The following EPC2 variants were observed in gnomAD, a reference collection of about 807,000 sequenced individuals.
EPC2 encodes enhancer of polycomb 2.
EPC2 carries 14 observed loss-of-function variants against 92.1 expected under a neutral mutation model. That is an observed-to-expected ratio of 0.15 (90% CI 0.10 to 0.24). The LOEUF (loss-of-function observed/expected upper bound fraction) is 0.24. Ranked by LOEUF, EPC2 falls within the 10% of genes least tolerant of loss-of-function variation. The pLI is 1.00. For synonymous variants in EPC2, 340 were observed against 334.7 expected (o/e 1.02, Z -0.17); for missense variants, 755 against 971.5 (o/e 0.78, Z 2.96).
rs1011711453 is a variant in EPC2, at chr2:148,657,611, T to G, written c.153+12441T>G. On this transcript the variant is annotated intron_variant, in intron 1 of 13. Coordinates refer to ENST00000258484, the MANE Select transcript of EPC2 (RefSeq NM_015630.4). ...TGAAAACCAGCAGTTTGAGAGGTAGTATTGTAGTTCTTATCTTGGCCACAC... is the reference window on the plus strand; with the variant it reads ...TGAAAACCAGCAGTTTGAGAGGTAGGATTGTAGTTCTTATCTTGGCCACAC... Among the ~76,000 whole-genome samples the G allele has an allele frequency of 2.9e-4, 44 of 152,112 alleles. 1 individual carries two copies. The highest frequency in any genetic ancestry group is 1.1e-3 in the Admixed American group (16 of 15,228).
At position 148,699,619 on chromosome 2, in the gene EPC2, A is replaced by G. The variant is rs192680184; in HGVS notation, c.313+9246A>G. Reference sequence around the variant, plus strand: ...TTGAATAATGTTTTATTATATGGCTATATCACAGTTTATCCATTCACCTAT... The same window carrying G: ...TTGAATAATGTTTTATTATATGGCTGTATCACAGTTTATCCATTCACCTAT... On this transcript the variant is annotated intron_variant, in intron 2 of 13. Transcript: ENST00000258484. 4.2e-3 allele frequency among the ~76,000 whole-genome samples: 634 copies of G among 152,270 alleles called. 3 individuals carry two copies. The highest frequency in any genetic ancestry group is 0.015 in the African/African-American group (613 of 41,546).
chr2:148,662,383 C>G lies in EPC2; in HGVS notation c.153+17213C>G, dbSNP rs556949296. On this transcript the variant is annotated intron_variant, in intron 1 of 13. Coordinates refer to ENST00000258484, the MANE Select transcript of EPC2 (RefSeq NM_015630.4). ...ACATGGAGATGTATGTTTATTGCGGCACTTTTCACAATAGCAAAGACTTGG... is the reference window on the plus strand; with the variant it reads ...ACATGGAGATGTATGTTTATTGCGGGACTTTTCACAATAGCAAAGACTTGG... Among the ~76,000 whole-genome samples the G allele has an allele frequency of 7.8e-4, 119 of 152,286 alleles. 1 individual carries two copies. The highest frequency in any genetic ancestry group is 1.3e-3 in the Non-Finnish European group (91 of 68,036).
At chr2:148,778,706 A>C (rs1434632439) in intron 10 of EPC2, among the ~76,000 whole-genome samples, 1 of 152,196 alleles carries the variant, frequency 6.6e-6, no homozygotes, top group Non-Finnish European at 1.5e-5. Flanking sequence ...GTCATTGATT[A>C]CTATTGGCAA....
At chr2:148,663,447 T>C (rs1680988651) in intron 1 of EPC2, among the ~76,000 whole-genome samples, 1 of 151,414 alleles carries the variant, frequency 6.6e-6, no homozygotes, top group Admixed American at 6.6e-5. Context: ...CTCAATCTCC[T>C]GACCTCGTGA....
intron 2 of EPC2, among the ~76,000 whole-genome samples, chr2:148,736,398 G>A (rs1231120606): frequency 1.3e-5 from 2 of 152,110 alleles, no homozygotes; most frequent in Admixed American, 6.5e-5. Flanking sequence ...CTAAAATGTG[G>A]TAGGGTTACC....
rs549541713 is a variant in EPC2, at chr2:148,674,259, C to G, written c.154-15955C>G. ...TGTACTCTCTTGCTCCCTCTTGTCT[C>G]TGTGTGTGGTACTGCAGATTCTCTG... On this transcript the variant is annotated intron_variant, in intron 1 of 13. Coordinates refer to ENST00000258484, the MANE Select transcript of EPC2 (RefSeq NM_015630.4). Among the ~76,000 whole-genome samples, 15 of 152,314 alleles carry G rather than the reference C, an allele frequency of 9.8e-5. No homozygotes were observed. The South Asian group carries it at 3.1e-3, about 32-fold the overall frequency.
intron 4 of EPC2, among the ~76,000 whole-genome samples, chr2:148,758,468 C>T (rs1448065196): frequency 6.6e-6 from 1 of 151,952 alleles, no homozygotes; most frequent in Non-Finnish European, 1.5e-5. Flanking sequence ...CAATCTCGCC[C>T]CAGTGCAACC....
chr2:148,677,614 A>C (rs1366480772), intron 1 of EPC2, among the ~76,000 whole-genome samples: 5 of 152,172 alleles, frequency 3.3e-5, no homozygotes, highest in Non-Finnish European at 7.3e-5. Context: ...TCTTGGTCTC[A>C]CTGACTTCAA....
At chr2:148,646,585 T>A (rs1003670409) in intron 1 of EPC2, among the ~76,000 whole-genome samples, 1 of 119,948 alleles carries the variant, frequency 8.3e-6, no homozygotes, top group Non-Finnish European at 1.7e-5. Context: ...AGAACTTTTT[T>A]TTTTGTATGT....
chr2:148,648,510 A>G (rs1490133405), intron 1 of EPC2, among the ~76,000 whole-genome samples: 1 of 152,186 alleles, frequency 6.6e-6, no homozygotes, highest in African/African-American at 2.4e-5. Context: ...CTTTTAAATC[A>G]GTAGGCTTGT....
rs936116596 is a variant in EPC2, at chr2:148,644,869, A to T, written c.-149A>T. The T allele has an allele frequency of 1.6e-6, 1 of 621,434 alleles. No homozygotes were observed. Among genetic ancestry groups the T allele is most frequent in the Non-Finnish European group, 2.7e-6 (1 of 376,320 alleles). 38.5% of individuals were successfully genotyped at this position (621,434 alleles called of 1,614,324 possible). A position where few individuals can be genotyped will look rare whatever the true frequency, so the allele number is the denominator to read the frequency against. The stretch of plus-strand genomic sequence containing the variant: ...CTGTTTTCGGGCGGGGTGGGCGCCC[A>T]TGCTGTGGCCGGGGGCAGTGAGGAG... On this transcript the variant is annotated 5_prime_UTR_variant, in exon 1 of 14. It removes an upstream start codon present in the reference 5' UTR. Coordinates refer to ENST00000258484, the MANE Select transcript of EPC2 (RefSeq NM_015630.4).
At chr2:148,677,870 C>T (rs964443201) in intron 1 of EPC2, among the ~76,000 whole-genome samples, 1 of 152,072 alleles carries the variant, frequency 6.6e-6, no homozygotes, top group Non-Finnish European at 1.5e-5. Context: ...AGTGAAGCTG[C>T]AGACCTTCAC....
intron 1 of EPC2, among the ~76,000 whole-genome samples, chr2:148,688,568 T>C (rs1400720859): frequency 1.3e-5 from 2 of 152,016 alleles, no homozygotes; most frequent in Non-Finnish European, 2.9e-5. Flanking sequence ...ATAATAATAA[T>C]AAAATTTTAA....
At chr2:148,685,767 AAAAAAT>A (rs1440195288) in intron 1 of EPC2, among the ~76,000 whole-genome samples, 7 of 152,242 alleles carry the variant, frequency 4.6e-5, no homozygotes, top group Non-Finnish European at 1.0e-4. Context: ...ATTCCATCTC[AAAAAAT>A]AAAAATAAAA....
At chr2:148,715,191 A>T (rs61021017) in intron 2 of EPC2, among the ~76,000 whole-genome samples, 1 of 151,238 alleles carries the variant, frequency 6.6e-6, no homozygotes, top group South Asian at 2.1e-4. Context: ...GTGCCACCGC[A>T]CCCGGCTACT....
At chr2:148,714,619 A>G (rs576342262) in intron 2 of EPC2, among the ~76,000 whole-genome samples, 23 of 152,224 alleles carry the variant, frequency 1.5e-4, no homozygotes, top group African/African-American at 5.3e-4. Flanking sequence ...CTGGTGTGAG[A>G]TGGTACCTCA....
In EPC2 at chr2:148,757,786, A is replaced by G. The variant is rs188494889; in HGVS notation, c.666+3653A>G. 3.9e-4 allele frequency among the ~76,000 whole-genome samples: 59 copies of G among 151,768 alleles called. No individual in the cohort carries two copies. The East Asian group carries it at 0.011, about 28-fold the overall frequency. On this transcript the variant is annotated intron_variant, in intron 4 of 13. Transcript: ENST00000258484. ...CAGGAGAGAAGTTGCAGTGAGCCAAAATTGCGCCATTGCACTCCAGCCTGG... is the reference window on the plus strand; with the variant it reads ...CAGGAGAGAAGTTGCAGTGAGCCAAGATTGCGCCATTGCACTCCAGCCTGG...
intron 2 of EPC2, among the ~76,000 whole-genome samples, chr2:148,690,963 G>A (rs78882407): frequency 0.018 from 2,771 of 152,250 alleles, 63 homozygotes; most frequent in East Asian, 0.08. Flanking sequence ...GCGCCCACCT[G>A]AGATTTACTT....
At chr2:148,665,524 A>G (rs1681039774) in intron 1 of EPC2, among the ~76,000 whole-genome samples, 1 of 152,218 alleles carries the variant, frequency 6.6e-6, no homozygotes, top group South Asian at 2.1e-4. Context: ...ACAATTAGAT[A>G]TGGGAACAAA....
Sources: gnomAD v4.1 joint callset for allele counts (sites outside exome capture counted in the v4.1 genomes callset) on GRCh38, gnomAD v4.1.1 for gene constraint, MANE v1.5 for transcripts, NCBI Gene and HGNC (gene_info 2026-07-23, HGNC 2026-07-21) for gene names.